Variants in COL24A1 observed in about 807,000 individuals in gnomAD.
COL24A1 encodes the protein collagen type XXIV alpha 1 chain, also known as collagen alpha-1(XXIV) chain.
In COL24A1, 224 loss-of-function variants were observed where a neutral mutation model predicts 253.9. The ratio of observed to expected loss-of-function variants is 0.88; its 90% CI spans 0.79 to 0.99. COL24A1 has a LOEUF of 0.99. Ranked by LOEUF, COL24A1 falls within the 50% of genes least tolerant of loss-of-function variation. The pLI is 0.00. For synonymous variants in COL24A1, 685 were observed against 673.7 expected (o/e 1.02, Z -0.26); for missense variants, 2,131 against 2,068.5 (o/e 1.03, Z -0.59).
intron 13 of COL24A1, 126 bp downstream of exon 13, chr1:86,033,743 AC>A (rs1283567432): frequency 1.3e-6 from 1 of 786,510 alleles, no homozygotes; most frequent in Non-Finnish European, 2.0e-6. Context: ...TGGAATGTGC[AC>A]AGTGGTGTGG....
intron 19 of COL24A1, among the ~76,000 whole-genome samples, chr1:85,991,366 G>C (rs569354516): frequency 3.9e-5 from 6 of 152,132 alleles, no homozygotes; most frequent in Admixed American, 2.0e-4. Flanking sequence ...AAACAAATAA[G>C]CCTAAATTAT....
chr1:85,887,022 C>G (rs965843386), intron 32 of COL24A1, among the ~76,000 whole-genome samples: 1 of 152,090 alleles, frequency 6.6e-6, no homozygotes, highest in Non-Finnish European at 1.5e-5. Context: ...TTATTATACA[C>G]TTTTAGTTAA....
chr1:85,858,850 T>A (rs1678810604), intron 37 of COL24A1, among the ~76,000 whole-genome samples: 1 of 151,726 alleles, frequency 6.6e-6, no homozygotes, highest in Non-Finnish European at 1.5e-5. Context: ...CTCAAGCAGA[T>A]CCTCCCACCC....
intron 37 of COL24A1, among the ~76,000 whole-genome samples, chr1:85,866,278 T>C (rs1200227475): frequency 1.3e-5 from 2 of 152,158 alleles, no homozygotes; most frequent in African/African-American, 4.8e-5. Flanking sequence ...TCTTTATTAA[T>C]AATTTCTTTA....
Position 86,092,321 on chromosome 1 carries a change from C to A in COL24A1, c.1600-1G>T. 6.2e-7 allele frequency: 1 copy of A among 1,602,238 alleles called. No homozygotes were observed. The highest frequency in any genetic ancestry group is 8.5e-7 in the Non-Finnish European group (1 of 1,171,586). ...AAAATCCTGGATCTCCTTTGGGGCC[C>A]TAAATAAAATAGTTATAAAACAGTT... On this transcript the variant is annotated splice_acceptor_variant, in intron 5 of 59. Transcript: ENST00000370571. LOFTEE classifies it high-confidence loss of function.
At chr1:86,002,386 T>C (rs1695510066) in intron 19 of COL24A1, among the ~76,000 whole-genome samples, 1 of 152,244 alleles carries the variant, frequency 6.6e-6, no homozygotes, top group South Asian at 2.1e-4. Flanking sequence ...TGTAGTATCA[T>C]TGCTAGAGAA....
Position 85,842,388 on chromosome 1 carries a change from A to G in COL24A1, c.3468T>C (p.His1156=). Reference sequence around the variant, plus strand: ...CTCCATCAGGTCCCATCAATCCTAAATGTCCCTGAAAAACAAAGTAAATAT... The same window carrying G: ...CTCCATCAGGTCCCATCAATCCTAAGTGTCCCTGAAAAACAAAGTAAATAT... ...GARGTRGAVG[H]LGLMGPDGEP... The change falls in exon 40 of 60, where the codon CAT becomes CAC. Residue 1156 remains histidine (H), a synonymous_variant. Transcript: ENST00000370571. 6.3e-7 allele frequency: 1 copy of G among 1,598,402 alleles called. No individual in the cohort carries two copies. The highest frequency in any genetic ancestry group is 8.5e-7 in the Non-Finnish European group (1 of 1,170,088).
chr1:85,876,655 C>A (rs1213674019), intron 33 of COL24A1, among the ~76,000 whole-genome samples: 1 of 151,920 alleles, frequency 6.6e-6, no homozygotes. Context: ...GGTGAAGTGA[C>A]AACAGGAGAG....
chr1:85,893,058 A>G (rs1683291704), intron 31 of COL24A1, among the ~76,000 whole-genome samples: 1 of 152,156 alleles, frequency 6.6e-6, no homozygotes, highest in Admixed American at 6.5e-5. Flanking sequence ...TCAAATTAAA[A>G]GGCAGAAATT....
intron 5 of COL24A1, among the ~76,000 whole-genome samples, chr1:86,100,129 C>A (rs969686648): frequency 4.6e-5 from 7 of 152,082 alleles, no homozygotes; most frequent in African/African-American, 7.2e-5. Flanking sequence ...GGCACAAATA[C>A]AACCAAAATC....
chr1:85,828,947 T>A (rs1269869610), intron 43 of COL24A1, among the ~76,000 whole-genome samples: 1 of 151,486 alleles, frequency 6.6e-6, no homozygotes, highest in Non-Finnish European at 1.5e-5. Flanking sequence ...TTGTTATGTG[T>A]GAATTTGATC....
intron 24 of COL24A1, among the ~76,000 whole-genome samples, chr1:85,953,616 T>C (rs2100602433): frequency 6.6e-6 from 1 of 152,346 alleles, no homozygotes; most frequent in East Asian, 1.9e-4. Flanking sequence ...TACTAGTTTT[T>C]AACTGTATCT....
intron 47 of COL24A1, among the ~76,000 whole-genome samples, chr1:85,789,699 G>C (rs1248724932): frequency 6.6e-6 from 1 of 152,064 alleles, no homozygotes; most frequent in East Asian, 1.9e-4. Flanking sequence ...GTCATAAAAG[G>C]CTCTTATTAT....
At chr1:86,139,491 G>T (rs910115009) in intron 2 of COL24A1, among the ~76,000 whole-genome samples, 2 of 152,086 alleles carry the variant, frequency 1.3e-5, no homozygotes, top group Non-Finnish European at 2.9e-5. Flanking sequence ...GTACTATTAT[G>T]TTTACTACCT....
At chr1:86,074,049 A>T (rs1262656026) in intron 7 of COL24A1, among the ~76,000 whole-genome samples, 1 of 152,224 alleles carries the variant, frequency 6.6e-6, no homozygotes, top group Non-Finnish European at 1.5e-5. Context: ...AAGAAACTGC[A>T]TCAATTAATG....
chr1:85,989,122 G>A (rs1214385016), intron 19 of COL24A1, among the ~76,000 whole-genome samples: 2 of 151,672 alleles, frequency 1.3e-5, no homozygotes, highest in African/African-American at 4.8e-5. Context: ...ATGTTTTTTT[G>A]TGGGGGGGAT....
At chr1:85,970,104 G>T in intron 22 of COL24A1, 123 bp downstream of exon 22, 2 of 850,352 alleles carry the variant, frequency 2.4e-6, no homozygotes, top group Non-Finnish European at 3.5e-6. Context: ...GGCATTTTAT[G>T]ACTTTAATTT....
At chr1:85,973,320 A>G (rs72954591) in intron 20 of COL24A1, among the ~76,000 whole-genome samples, 1,731 of 152,298 alleles carry the variant, frequency 0.011, 28 homozygotes, top group African/African-American at 0.039. Context: ...CCTGTTCCCA[A>G]TGAATTCATA....
At chr1:85,767,575 T>C (rs1667513880) in intron 53 of COL24A1, among the ~76,000 whole-genome samples, 2 of 152,148 alleles carry the variant, frequency 1.3e-5, no homozygotes, top group South Asian at 4.1e-4. Context: ...AAAAAGGTAT[T>C]TAGTATCAGT....
Sources: gnomAD v4.1 joint callset for allele counts (sites outside exome capture counted in the v4.1 genomes callset) on GRCh38, gnomAD v4.1.1 for gene constraint, MANE v1.5 for transcripts, NCBI Gene and HGNC (gene_info 2026-07-23, HGNC 2026-07-21) for gene names.